The following ANKS1B variants were observed in gnomAD, a reference collection of about 807,000 sequenced individuals.
ANKS1B encodes ankyrin repeat and sterile alpha motif domain-containing protein 1B.
ANKS1B carries 36 observed loss-of-function variants against 148.3 expected under a neutral mutation model. That is an observed-to-expected ratio of 0.24 (90% CI 0.19 to 0.32). The LOEUF (loss-of-function observed/expected upper bound fraction) is 0.32, where lower values mean the gene tolerates loss of function less well. ANKS1B is among the 10% of genes least tolerant of loss of function. The probability of loss-of-function intolerance (pLI) is 1.00; values close to 1 mark genes in which losing one functional copy is unlikely to be tolerated. For missense variants in ANKS1B, 1,157 were observed against 1,542.6 expected (o/e 0.75, Z 4.19); for synonymous variants, 542 against 560.8 (o/e 0.97, Z 0.47).
intron 10 of ANKS1B, among the ~76,000 whole-genome samples, chr12:99,444,699 C>T (rs772990130): frequency 6.6e-6 from 1 of 151,846 alleles, no homozygotes; most frequent in African/African-American, 2.4e-5. Flanking sequence ...CTGCTGCAAG[C>T]TCAAATCTGC....
chr12:98,900,335 C>T (rs905512541), intron 17 of ANKS1B, among the ~76,000 whole-genome samples: 2 of 152,158 alleles, frequency 1.3e-5, no homozygotes, highest in African/African-American at 4.8e-5. Context: ...GTTAGCTTAT[C>T]TTAGTATTCT....
chr12:99,013,068 G>A (rs2099940387), intron 17 of ANKS1B, among the ~76,000 whole-genome samples: 1 of 152,166 alleles, frequency 6.6e-6, no homozygotes. Context: ...AAGCTGAGGG[G>A]AAATGATAAT....
chr12:99,653,696 T>C (rs1441239587), intron 9 of ANKS1B, among the ~76,000 whole-genome samples: 1 of 138,742 alleles, frequency 7.2e-6, no homozygotes, highest in Non-Finnish European at 1.5e-5. Flanking sequence ...TTTTTTTTTT[T>C]TGAGACAGAG....
At chr12:98,931,979 G>C (rs2099814056) in intron 17 of ANKS1B, among the ~76,000 whole-genome samples, 1 of 152,102 alleles carries the variant, frequency 6.6e-6, no homozygotes, top group African/African-American at 2.4e-5. Flanking sequence ...ATATTGTGTT[G>C]CTCAGGGGTT....
At chr12:99,430,049 GAA>G (rs1243212957) in intron 11 of ANKS1B, among the ~76,000 whole-genome samples, 1 of 136,520 alleles carries the variant, frequency 7.3e-6, no homozygotes. Context: ...ATAGTTCCAG[GAA>G]AAAAAAAAAA....
chr12:99,648,917 T>C, intron 9 of ANKS1B: 1 of 1,308,254 alleles, frequency 7.6e-7, no homozygotes, highest in South Asian at 1.6e-5. Flanking sequence ...GAAGGCCAAA[T>C]GAGCTTCCAT....
chr12:99,522,576 A>T (rs2096885652), intron 9 of ANKS1B, among the ~76,000 whole-genome samples: 1 of 152,238 alleles, frequency 6.6e-6, no homozygotes, highest in African/African-American at 2.4e-5. Flanking sequence ...GGCAGAATAT[A>T]ACAAGTCAAA....
chr12:99,320,366 TACTTTTTGG>T (rs1001949906), intron 12 of ANKS1B, among the ~76,000 whole-genome samples: 1 of 152,214 alleles, frequency 6.6e-6, no homozygotes, highest in Non-Finnish European at 1.5e-5. Flanking sequence ...CATAGTCCCA[TACTTTTTGG>T]AGGCTTTGTT....
chr12:99,035,698 G>A (rs886559477), intron 17 of ANKS1B, among the ~76,000 whole-genome samples: 5 of 152,196 alleles, frequency 3.3e-5, no homozygotes, highest in Non-Finnish European at 7.3e-5. Context: ...GGACGGAGAT[G>A]CATGTAAAGC....
At position 99,740,516 on chromosome 12, in the gene ANKS1B, C is replaced by T. The variant is rs565967741; in HGVS notation, c.1128+32406G>A. Reference sequence around the variant, plus strand: ...GAAAAAGGATCTGCTCATATGAAAGCATAGGGTAAAATCACAAGGATCAAT... The same window carrying T: ...GAAAAAGGATCTGCTCATATGAAAGTATAGGGTAAAATCACAAGGATCAAT... On this transcript the variant is annotated intron_variant, in intron 8 of 26. Transcript: ENST00000683438. 2.0e-5 allele frequency among the ~76,000 whole-genome samples: 3 copies of T among 152,138 alleles called. No homozygotes were observed. The South Asian group carries it at 6.2e-4, about 32-fold the overall frequency.
At chr12:99,716,525 A>C (rs2057357679) in intron 8 of ANKS1B, among the ~76,000 whole-genome samples, 1 of 151,890 alleles carries the variant, frequency 6.6e-6, no homozygotes, top group Non-Finnish European at 1.5e-5. Flanking sequence ...CTAAAACCTA[A>C]ATGCCTTATT....
chr12:99,532,454 A>C (rs2097008142), intron 9 of ANKS1B, among the ~76,000 whole-genome samples: 12 of 152,024 alleles, frequency 7.9e-5, no homozygotes, highest in Admixed American at 7.9e-4. Flanking sequence ...TCCGCCTCCC[A>C]GGTTCACGCC....
intron 9 of ANKS1B, among the ~76,000 whole-genome samples, chr12:99,615,388 C>T (rs1220933181): frequency 6.6e-6 from 1 of 152,124 alleles, no homozygotes; most frequent in Non-Finnish European, 1.5e-5. Context: ...AGAATACTTA[C>T]ACATCAGGCA....
At chr12:99,403,775 T>C (rs1186931404) in intron 11 of ANKS1B, among the ~76,000 whole-genome samples, 2 of 145,092 alleles carry the variant, frequency 1.4e-5, no homozygotes, top group Admixed American at 6.8e-5. Context: ...GATATTTCTG[T>C]TCCTAAAAAC....
At chr12:99,473,565 CCT>C (rs2096273796) in intron 10 of ANKS1B, among the ~76,000 whole-genome samples, 1 of 151,914 alleles carries the variant, frequency 6.6e-6, no homozygotes, top group Non-Finnish European at 1.5e-5. Flanking sequence ...TATGAGAATT[CCT>C]GTTTTTCTAT....
chr12:99,524,033 G>T (rs1940017600), intron 9 of ANKS1B, among the ~76,000 whole-genome samples: 2 of 152,190 alleles, frequency 1.3e-5, no homozygotes, highest in Non-Finnish European at 2.9e-5. Flanking sequence ...TAATACAAGA[G>T]TGTGGGTTTA....
intron 7 of ANKS1B, 57 bp from the exon 8 acceptor site, chr12:99,773,145 T>A: frequency 6.9e-7 from 1 of 1,451,846 alleles, no homozygotes; most frequent in Non-Finnish European, 9.4e-7. Context: ...AACTTAATGT[T>A]AAGCAATAAA....
rs546017071 is a variant in ANKS1B at position 99,092,624 on chromosome 12, G to A, written c.2527-7601C>T. Among the ~76,000 whole-genome samples, 13 of 152,252 alleles carry A rather than the reference G, an allele frequency of 8.5e-5. No individual in the cohort carries two copies. In the East Asian group the frequency reaches 1.5e-3, roughly 18 times the overall value. On this transcript the variant is annotated intron_variant, in intron 15 of 26. Transcript: ENST00000683438. ...TAGGTGAGTTTGGACACCTTGCTCC[G>A]AACAGGCAGGGAACATGGCGCCCTT...
At position 98,744,369 on chromosome 12, in the gene ANKS1B, AG is replaced by A; in HGVS notation, c.*1369del. ...TCTCAGTTAGGTTTAAAATAATGTC[AG>A]TTAATAAAAAAACATTAAGACAATT... On this transcript the variant is annotated 3_prime_UTR_variant, in exon 27 of 27. Transcript: ENST00000683438. 1 of 904,458 alleles carries A rather than the reference AG, an allele frequency of 1.1e-6. No individual in the cohort carries two copies. The highest frequency in any genetic ancestry group is 1.3e-6 in the Non-Finnish European group (1 of 757,050). 56.0% of individuals were successfully genotyped at this position (904,458 alleles called of 1,614,324 possible). A position where few individuals can be genotyped will look rare whatever the true frequency, so the allele number is the denominator to read the frequency against.
Sources: allele counts gnomAD v4.1 joint callset (sites outside exome capture counted in the v4.1 genomes callset), GRCh38; gene constraint gnomAD v4.1.1; transcripts MANE v1.5; gene names NCBI Gene and HGNC (gene_info 2026-07-23, HGNC 2026-07-21).